The following KCNH7 variants were observed in gnomAD, a reference collection of about 807,000 sequenced individuals.
The protein encoded by KCNH7 is potassium voltage-gated channel subfamily H member 7.
Under a neutral mutation model 120.8 loss-of-function variants are expected in KCNH7, and 49 were observed. That is an observed-to-expected ratio of 0.41 (90% CI 0.32 to 0.51). The LOEUF (loss-of-function observed/expected upper bound fraction) is 0.51. Ranked by LOEUF, KCNH7 falls within the 20% of genes least tolerant of loss-of-function variation. KCNH7 has a pLI of 0.38. For missense variants in KCNH7, 1,097 were observed against 1,446.6 expected (o/e 0.76, Z 3.92); for synonymous variants, 547 against 516.1 (o/e 1.06, Z -0.81).
In KCNH7 at chr2:162,810,053, C is replaced by T. The variant is rs1298863466; in HGVS notation, c.307+26484G>A. Among the ~76,000 whole-genome samples, 3 of 73,494 alleles carry T rather than the reference C, an allele frequency of 4.1e-5. 1 individual carries two copies. Among genetic ancestry groups the T allele is most frequent in the Non-Finnish European group, 6.2e-5 (2 of 32,356 alleles). The allele number at this position is 73,494 out of a possible 152,430, so 48.2% of individuals were successfully genotyped here. A position where few individuals can be genotyped will look rare whatever the true frequency, so the allele number is the denominator to read the frequency against. On this transcript the variant is annotated intron_variant, in intron 2 of 15. Coordinates refer to ENST00000332142, the MANE Select transcript of KCNH7 (RefSeq NM_033272.4). ...GCCTCAGCCTCCCGAGTAGCTGGGACTACAGGCGCCCGCCACCACGCCCAG... is the reference window on the plus strand; with the variant it reads ...GCCTCAGCCTCCCGAGTAGCTGGGATTACAGGCGCCCGCCACCACGCCCAG...
chr2:162,378,955 C>T (rs1686311473), intron 14 of KCNH7, among the ~76,000 whole-genome samples: 2 of 152,184 alleles, frequency 1.3e-5, no homozygotes, highest in South Asian at 4.1e-4. Flanking sequence ...TACATTATGG[C>T]AAATGCATGA....
chr2:162,646,576 C>T (rs1221639115), intron 2 of KCNH7, among the ~76,000 whole-genome samples: 1 of 152,116 alleles, frequency 6.6e-6, no homozygotes, highest in African/African-American at 2.4e-5. Context: ...GACATGAGCA[C>T]TCAAAAGCAG....
At chr2:162,738,788 A>G (rs1462764482) in intron 2 of KCNH7, among the ~76,000 whole-genome samples, 1 of 152,228 alleles carries the variant, frequency 6.6e-6, no homozygotes, top group Non-Finnish European at 1.5e-5. Flanking sequence ...AATATAAAAC[A>G]GCATTTAATA....
chr2:162,638,665 G>A (rs2105231892), intron 2 of KCNH7, among the ~76,000 whole-genome samples: 1 of 152,226 alleles, frequency 6.6e-6, no homozygotes, highest in East Asian at 1.9e-4. Flanking sequence ...AATGGAGTTA[G>A]TTATTTCCAA....
chr2:162,558,897 T>C (rs1446473329), intron 2 of KCNH7, among the ~76,000 whole-genome samples: 1 of 150,756 alleles, frequency 6.6e-6, no homozygotes, highest in Admixed American at 6.6e-5. Flanking sequence ...CTACTAAAAA[T>C]GCAAAAAATT....
chr2:162,695,809 A>G (rs1157647310), intron 2 of KCNH7, among the ~76,000 whole-genome samples: 1 of 152,184 alleles, frequency 6.6e-6, no homozygotes, highest in East Asian at 1.9e-4. Flanking sequence ...CCAACTGGAT[A>G]TTGACAACAG....
intron 4 of KCNH7, among the ~76,000 whole-genome samples, chr2:162,515,940 T>A (rs1159894575): frequency 6.6e-6 from 1 of 151,786 alleles, no homozygotes. Flanking sequence ...TGGTGTCCTT[T>A]AGATAAAGAT....
At chr2:162,674,055 A>G (rs1299383526) in intron 2 of KCNH7, among the ~76,000 whole-genome samples, 1 of 151,902 alleles carries the variant, frequency 6.6e-6, no homozygotes, top group Non-Finnish European at 1.5e-5. Flanking sequence ...TAGCCTACAC[A>G]GTAAGGTAAA....
intron 9 of KCNH7, among the ~76,000 whole-genome samples, chr2:162,413,485 G>C (rs930643748): frequency 1.1e-4 from 16 of 152,026 alleles, no homozygotes; most frequent in Admixed American, 7.9e-4. Context: ...GTCTAGATAT[G>C]TATCCCAATT....
At chr2:162,417,623 G>A (rs144392549) in intron 9 of KCNH7, among the ~76,000 whole-genome samples, 2 of 152,218 alleles carry the variant, frequency 1.3e-5, no homozygotes, top group East Asian at 3.9e-4. Context: ...TTTGTAATAT[G>A]GAAAGCTCTA....
At chr2:162,718,457 G>T (rs1035400393) in intron 2 of KCNH7, among the ~76,000 whole-genome samples, 1 of 152,008 alleles carries the variant, frequency 6.6e-6, no homozygotes, top group African/African-American at 2.4e-5. Flanking sequence ...AGTAGACTTG[G>T]TTTAGGAAAT....
At chr2:162,381,197 G>T (rs1245862521) in intron 13 of KCNH7, among the ~76,000 whole-genome samples, 1 of 152,014 alleles carries the variant, frequency 6.6e-6, no homozygotes, top group South Asian at 2.1e-4. Context: ...ATTACAGAAA[G>T]TGATTTTGGT....
intron 2 of KCNH7, among the ~76,000 whole-genome samples, chr2:162,686,451 C>A (rs1269885839): frequency 6.6e-6 from 1 of 152,110 alleles, no homozygotes; most frequent in African/African-American, 2.4e-5. Flanking sequence ...TATTTATTAT[C>A]AGAGATAACA....
chr2:162,448,982 G>C (rs1688674873), intron 6 of KCNH7, among the ~76,000 whole-genome samples: 1 of 152,010 alleles, frequency 6.6e-6, no homozygotes, highest in Non-Finnish European at 1.5e-5. Context: ...AACTGAGACT[G>C]AATAGGAGTC....
rs572118358 is a variant in KCNH7, at chr2:162,507,217, C to T, written c.914-2560G>A. 4.0e-5 allele frequency among the ~76,000 whole-genome samples: 6 copies of T among 151,818 alleles called. No individual in the cohort carries two copies. In the South Asian group the frequency reaches 8.3e-4, roughly 21 times the overall value. On this transcript the variant is annotated intron_variant, in intron 5 of 15. Transcript: ENST00000332142. Reference sequence around the variant, plus strand: ...ATAGAATATTTCAGAGTTTAGTTTACAATCTGTGTTTGGAGCTGTTATTTG... The same window carrying T: ...ATAGAATATTTCAGAGTTTAGTTTATAATCTGTGTTTGGAGCTGTTATTTG...
chr2:162,636,237 G>C (rs1683958716), intron 2 of KCNH7, among the ~76,000 whole-genome samples: 1 of 151,990 alleles, frequency 6.6e-6, no homozygotes, highest in African/African-American at 2.4e-5. Context: ...CTCAGCCAAA[G>C]GTAGAAACGG....
chr2:162,597,824 A>T (rs550972283), intron 2 of KCNH7, among the ~76,000 whole-genome samples: 1 of 152,116 alleles, frequency 6.6e-6, no homozygotes. Flanking sequence ...ATATGCAATT[A>T]TTGTCAACTA....
intron 2 of KCNH7, among the ~76,000 whole-genome samples, chr2:162,570,902 A>C (rs1041564061): frequency 1.3e-5 from 2 of 152,184 alleles, no homozygotes; most frequent in Non-Finnish European, 2.9e-5. Context: ...ATTTCAAAAT[A>C]ATAAGAGGTA....
rs551458021 is a variant in KCNH7 at position 162,778,866 on chromosome 2, T to C, written c.307+57671A>G. Among the ~76,000 whole-genome samples the C allele has an allele frequency of 2.0e-5, 3 of 152,294 alleles. No homozygotes were observed. In the South Asian group the frequency reaches 6.2e-4, roughly 32 times the overall value. ...CCTGTGTCTACTTACAGTAAATTTA[T>C]TCATTGAGTTATACGCATTTACTAC... On this transcript the variant is annotated intron_variant, in intron 2 of 15. Coordinates refer to ENST00000332142, the MANE Select transcript of KCNH7 (RefSeq NM_033272.4).
Sources: allele counts gnomAD v4.1 joint callset (sites outside exome capture counted in the v4.1 genomes callset), GRCh38; gene constraint gnomAD v4.1.1; transcripts MANE v1.5; gene names NCBI Gene and HGNC (gene_info 2026-07-23, HGNC 2026-07-21).